The following APOO variants were observed in gnomAD, a reference collection of about 807,000 sequenced individuals.
The protein encoded by APOO is MICOS complex subunit MIC26.
A neutral mutation model predicts 23.1 loss-of-function variants in APOO; 11 were observed. The ratio of observed to expected loss-of-function variants is 0.48; its 90% confidence interval spans 0.30 to 0.79. APOO has a LOEUF of 0.79. APOO is among the 30% of genes least tolerant of loss of function. The pLI, the probability that APOO is intolerant of heterozygous loss-of-function variation, is 0.07. For missense variants in APOO, 160 were observed against 142.7 expected (o/e 1.12, Z -0.62); for synonymous variants, 59 against 54.8 (o/e 1.08, Z -0.34).
At chrX:23,891,223 ATTCT>A (rs1365366966) in intron 1 of APOO, among the ~76,000 whole-genome samples, 6 of 109,981 alleles carry the variant, frequency 5.5e-5, no homozygotes, top group Admixed American at 9.8e-5. Flanking sequence ...TTAAAATCTA[ATTCT>A]TTCTTTTTTT....
intron 8 of APOO, 126 bp downstream of exon 8, chrX:23,840,187 T>G (rs910528213): frequency 5.0e-6 from 2 of 397,226 alleles, no homozygotes; most frequent in Non-Finnish European, 4.1e-6. Flanking sequence ...AACTAAAAGA[T>G]GGAATAAAAT....
chrX:23,862,604 G>A (rs1006004043), intron 5 of APOO, among the ~76,000 whole-genome samples: 4 of 102,456 alleles, frequency 3.9e-5, no homozygotes, highest in Admixed American at 1.1e-4. Flanking sequence ...GGTGACACCC[G>A]GTCTCCACAA....
intron 5 of APOO, among the ~76,000 whole-genome samples, chrX:23,861,154 T>G (rs1269694412): frequency 1.8e-5 from 2 of 110,626 alleles, no homozygotes; most frequent in Non-Finnish European, 3.8e-5. Flanking sequence ...AATCTCATGT[T>G]AAATTGTAAT....
chrX:23,849,609 A>AAAAAAAAAAAG (rs1311653969), intron 7 of APOO, among the ~76,000 whole-genome samples: 2 of 94,473 alleles, frequency 2.1e-5, no homozygotes, highest in African/African-American at 9.0e-5. Context: ...AAAAAAAAAA[A>AAAAAAAAAAAG]GTTCGGGCAT....
At chrX:23,865,663 G>C (rs112125883) in intron 5 of APOO, among the ~76,000 whole-genome samples, 32 of 108,177 alleles carry the variant, frequency 3.0e-4, no homozygotes, top group African/African-American at 1.0e-3. Flanking sequence ...CCCTGCTGCT[G>C]CCCTCAAAGG....
At chrX:23,837,299 G>T (rs1440713193) in intron 8 of APOO, 4 of 579,285 alleles carry the variant, frequency 6.9e-6, no homozygotes, top group Non-Finnish European at 8.7e-6. Context: ...TCGACAGTCT[G>T]ATTGCTGAGA....
At chrX:23,881,911 G>A (rs1242839302) in intron 1 of APOO, among the ~76,000 whole-genome samples, 3 of 82,243 alleles carry the variant, frequency 3.6e-5, no homozygotes, top group Admixed American at 1.8e-4. Context: ...TTGTGCCACC[G>A]CACTCCAGCC....
chrX:23,865,446 A>G (rs1432256105), intron 5 of APOO, among the ~76,000 whole-genome samples: 1 of 110,105 alleles, frequency 9.1e-6, no homozygotes, highest in Non-Finnish European at 1.9e-5. Flanking sequence ...TCTACTAAAA[A>G]TACAAAAATG....
At chrX:23,864,273 G>A (rs1290826961) in intron 5 of APOO, among the ~76,000 whole-genome samples, 1 of 110,342 alleles carries the variant, frequency 9.1e-6, no homozygotes, top group Non-Finnish European at 1.9e-5. Context: ...GGGATTACAG[G>A]TGTTAGCCAC....
rs762344726 is a variant in APOO at position 23,880,646 on chromosome X, C to T, written c.117+199G>A. On this transcript the variant is annotated intron_variant, in intron 2 of 8. Coordinates refer to ENST00000379226, the MANE Select transcript of APOO (RefSeq NM_024122.5). ...CCAGGAGGAGGAGGTTGCAATGAGC[C>T]GAGATCGCACCATTGCACTCCAGCC... Among the ~76,000 whole-genome samples, 5 of 109,748 alleles carry T rather than the reference C, an allele frequency of 4.6e-5. No homozygotes were observed. The East Asian group carries it at 8.5e-4, about 19-fold the overall frequency.
chrX:23,889,392 C>T (rs1009398429), intron 1 of APOO, among the ~76,000 whole-genome samples: 7 of 111,084 alleles, frequency 6.3e-5, no homozygotes, highest in African/African-American at 2.3e-4. Flanking sequence ...CAAATAAAAA[C>T]CTTAAGCTAA....
intron 5 of APOO, among the ~76,000 whole-genome samples, chrX:23,862,021 C>T (rs1925071919): frequency 9.1e-6 from 1 of 109,882 alleles, no homozygotes; most frequent in Non-Finnish European, 1.9e-5. Context: ...CCAGGCTGGT[C>T]TTGAACTCCT....
At chrX:23,891,050 C>G (rs1926629501) in intron 1 of APOO, among the ~76,000 whole-genome samples, 1 of 110,528 alleles carries the variant, frequency 9.0e-6, no homozygotes, top group Admixed American at 9.7e-5. Context: ...TCTTCAACCC[C>G]TTTCTTTGGC....
At chrX:23,878,777 C>T (rs887727709) in intron 3 of APOO, 138 bp downstream of exon 3, 22 of 814,228 alleles carry the variant, frequency 2.7e-5, no homozygotes, top group Non-Finnish European at 3.4e-5. Context: ...CCCCAGACCC[C>T]CACTACCCTT....
At chrX:23,843,384 G>A (rs1237555947) in intron 7 of APOO, among the ~76,000 whole-genome samples, 1 of 110,633 alleles carries the variant, frequency 9.0e-6, no homozygotes, top group African/African-American at 3.3e-5. Context: ...TCTTGGCAGA[G>A]AACTCCAGGA....
At chrX:23,866,208 C>T (rs1925329031) in intron 5 of APOO, among the ~76,000 whole-genome samples, 1 of 111,949 alleles carries the variant, frequency 8.9e-6, no homozygotes, top group South Asian at 3.7e-4. Flanking sequence ...AGCTGAAATC[C>T]CAACACCCTG....
At chrX:23,869,515 G>T (rs772262723) in intron 4 of APOO, among the ~76,000 whole-genome samples, 1 of 108,624 alleles carries the variant, frequency 9.2e-6, no homozygotes, top group South Asian at 4.0e-4. Flanking sequence ...ACTTTCCAAG[G>T]CTAAGGCAGA....
At chrX:23,893,394 C>A (rs1005922293) in intron 1 of APOO, among the ~76,000 whole-genome samples, 3 of 109,620 alleles carry the variant, frequency 2.7e-5, no homozygotes, top group African/African-American at 9.9e-5. Context: ...CACTGCACTC[C>A]AGTCTGGGCG....
intron 1 of APOO, among the ~76,000 whole-genome samples, chrX:23,884,903 G>T (rs1198529371): frequency 3.6e-5 from 4 of 111,515 alleles, no homozygotes; most frequent in Non-Finnish European, 5.6e-5. Flanking sequence ...TTTTGGACAT[G>T]TTCCAGAGAC....
Sources: allele counts gnomAD v4.1 joint callset (sites outside exome capture counted in the v4.1 genomes callset), GRCh38; gene constraint gnomAD v4.1.1; transcripts MANE v1.5; gene names NCBI Gene and HGNC (gene_info 2026-07-23, HGNC 2026-07-21).